Variants in LRRC4C observed in about 807,000 individuals in gnomAD.
LRRC4C encodes leucine-rich repeat-containing protein 4C.
Under a neutral mutation model 33.6 loss-of-function variants are expected in LRRC4C, and 5 were observed. The observed-to-expected ratio is 0.15, with a 90% CI of 0.08 to 0.31. The LOEUF (loss-of-function observed/expected upper bound fraction) is 0.31, where lower values mean the gene tolerates loss of function less well. LRRC4C is among the 10% of genes least tolerant of loss of function. The probability of loss-of-function intolerance (pLI) is 1.00; values close to 1 mark genes in which losing one functional copy is unlikely to be tolerated. For missense variants in LRRC4C, 560 were observed against 796.7 expected (o/e 0.70, Z 3.58); for synonymous variants, 329 against 302.0 (o/e 1.09, Z -0.93).
intron 1 of LRRC4C, among the ~76,000 whole-genome samples, chr11:41,349,777 A>T (rs2137554421): frequency 1.3e-5 from 2 of 152,268 alleles, no homozygotes; most frequent in Middle Eastern, 6.8e-3. Context: ...TTACCTCCAA[A>T]CAGCCACACT....
rs184784779 is a variant in LRRC4C at position 41,236,559 on chromosome 11, C to A, written c.-496+222872G>T. ...AAATCTATATACAGCGAAATGTATT[C>A]CAGTCATTATAATTGAAAAAAAAAA... On this transcript the variant is annotated intron_variant, in intron 1 of 6. Transcript: ENST00000528697. Among the ~76,000 whole-genome samples, 778 of 151,240 alleles carry A rather than the reference C, an allele frequency of 5.1e-3. 29 individuals are homozygous for A. Among genetic ancestry groups the A allele is most frequent in the Admixed American group, 0.046 (697 of 15,220 alleles).
intron 1 of LRRC4C, among the ~76,000 whole-genome samples, chr11:41,197,267 C>G (rs918420991): frequency 6.6e-6 from 1 of 152,018 alleles, no homozygotes; most frequent in Non-Finnish European, 1.5e-5. Flanking sequence ...TAATCCCTTT[C>G]GCTGATAAAG....
intron 2 of LRRC4C, among the ~76,000 whole-genome samples, chr11:40,742,939 C>G (rs1409048100): frequency 6.6e-6 from 1 of 151,998 alleles, no homozygotes; most frequent in African/African-American, 2.4e-5. Context: ...ACATATCATA[C>G]CAGCATCAGA....
intron 1 of LRRC4C, among the ~76,000 whole-genome samples, chr11:41,204,483 C>T (rs1475611981): frequency 6.6e-6 from 1 of 152,152 alleles, no homozygotes; most frequent in African/African-American, 2.4e-5. Flanking sequence ...GATTGTCAGT[C>T]AGGCAACATG....
intron 5 of LRRC4C, among the ~76,000 whole-genome samples, chr11:40,149,374 T>C (rs1383529703): frequency 6.6e-6 from 1 of 152,192 alleles, no homozygotes; most frequent in East Asian, 1.9e-4. Flanking sequence ...AGGAGTGTTT[T>C]GTAGTTCTCA....
rs146381742 is a variant in LRRC4C, at chr11:40,528,833, G to T, written c.-270+119309C>A. On this transcript the variant is annotated intron_variant, in intron 3 of 6. Coordinates refer to ENST00000528697, the MANE Select transcript of LRRC4C (RefSeq NM_001258419.2). ...CTAAGGAAGGAAATCCTGCCATTTG[G>T]AACAGCATGGATGAACCTGATGGAC... Among the ~76,000 whole-genome samples the T allele has an allele frequency of 1.3e-5, 2 of 152,188 alleles. 1 individual carries two copies. The highest frequency in any genetic ancestry group is 2.9e-5 in the Non-Finnish European group (2 of 67,978).
At chr11:41,148,264 C>G (rs1943822040) in intron 1 of LRRC4C, among the ~76,000 whole-genome samples, 2 of 152,048 alleles carry the variant, frequency 1.3e-5, no homozygotes, top group African/African-American at 4.8e-5. Flanking sequence ...ATCTGCCTGC[C>G]TCAGACTCCC....
At chr11:41,085,278 C>T (rs576164338) in intron 1 of LRRC4C, among the ~76,000 whole-genome samples, 2 of 152,236 alleles carry the variant, frequency 1.3e-5, no homozygotes, top group South Asian at 2.1e-4. Context: ...GTAAACACCA[C>T]GTCATCTTTA....
intron 5 of LRRC4C, among the ~76,000 whole-genome samples, chr11:40,195,815 C>T (rs1246638213): frequency 2.6e-5 from 4 of 151,472 alleles, no homozygotes; most frequent in East Asian, 1.9e-4. Context: ...AAAATATATA[C>T]ATAATTTCTT....
chr11:41,032,599 G>T (rs1399952717), intron 1 of LRRC4C, among the ~76,000 whole-genome samples: 2 of 151,826 alleles, frequency 1.3e-5, no homozygotes, highest in African/African-American at 4.8e-5. Flanking sequence ...GGTCTGACTG[G>T]CCCAATGTCA....
chr11:41,437,419 G>GCACACACA (rs1212085301), intron 1 of LRRC4C, among the ~76,000 whole-genome samples: 2 of 64,330 alleles, frequency 3.1e-5, no homozygotes, highest in African/African-American at 1.1e-4. Context: ...AAACGCGCGC[G>GCACACACA]CGCGCGCACA....
chr11:40,659,491 C>T lies in LRRC4C; in HGVS notation c.-406-11213G>A, dbSNP rs1231103624. On this transcript the variant is annotated intron_variant, in intron 2 of 6. Coordinates refer to ENST00000528697, the MANE Select transcript of LRRC4C (RefSeq NM_001258419.2). ...GGAGTCAGAGCTCATGGTGCTTTTTCCAGCCTGCCCTTGGTTGCCCATGGA... is the reference window on the plus strand; with the variant it reads ...GGAGTCAGAGCTCATGGTGCTTTTTTCAGCCTGCCCTTGGTTGCCCATGGA... Among the ~76,000 whole-genome samples, 6 of 152,136 alleles carry T rather than the reference C, an allele frequency of 3.9e-5. No individual in the cohort carries two copies. The East Asian group carries it at 1.2e-3, about 29-fold the overall frequency.
At chr11:41,173,056 G>T (rs772822687) in intron 1 of LRRC4C, among the ~76,000 whole-genome samples, 6 of 152,082 alleles carry the variant, frequency 3.9e-5, no homozygotes, top group Admixed American at 1.3e-4. Context: ...TTGTTGATAG[G>T]TCTGAAATAC....
intron 1 of LRRC4C, among the ~76,000 whole-genome samples, chr11:40,991,933 C>A (rs1053078775): frequency 4.6e-5 from 7 of 152,110 alleles, no homozygotes; most frequent in Non-Finnish European, 8.8e-5. Context: ...TGCTGTGCAA[C>A]CCAGTTCCTA....
At chr11:41,129,097 G>A (rs1175253784) in intron 1 of LRRC4C, among the ~76,000 whole-genome samples, 1 of 151,940 alleles carries the variant, frequency 6.6e-6, no homozygotes, top group Non-Finnish European at 1.5e-5. Context: ...AATATAAAAA[G>A]AAGTTAGGAA....
chr11:40,690,368 A>G (rs1269725939), intron 2 of LRRC4C, among the ~76,000 whole-genome samples: 1 of 152,108 alleles, frequency 6.6e-6, no homozygotes, highest in Non-Finnish European at 1.5e-5. Context: ...AACGGTGAAA[A>G]TAAATGAAGG....
chr11:41,125,528 C>A (rs913647610), intron 1 of LRRC4C, among the ~76,000 whole-genome samples: 1 of 150,644 alleles, frequency 6.6e-6, no homozygotes, highest in Non-Finnish European at 1.5e-5. Context: ...CATATTTTTG[C>A]ATTATTATAA....
chr11:40,969,459 C>T (rs562140068), intron 1 of LRRC4C, among the ~76,000 whole-genome samples: 23 of 21,768 alleles, frequency 1.1e-3, no homozygotes, highest in African/African-American at 1.9e-3. Flanking sequence ...GCATCTTACA[C>T]TACAAAAAAA....
intron 2 of LRRC4C, among the ~76,000 whole-genome samples, chr11:40,882,203 C>A (rs1955213910): frequency 6.6e-6 from 1 of 152,022 alleles, no homozygotes; most frequent in African/African-American, 2.4e-5. Flanking sequence ...TCTACACAAC[C>A]CCACAAGTGA....
Sources: allele counts gnomAD v4.1 joint callset (sites outside exome capture counted in the v4.1 genomes callset), GRCh38; gene constraint gnomAD v4.1.1; transcripts MANE v1.5; gene names NCBI Gene and HGNC (gene_info 2026-07-23, HGNC 2026-07-21).